The following DOCK11 variants were observed in gnomAD, a reference collection of about 807,000 sequenced individuals.
The protein encoded by DOCK11 is dedicator of cytokinesis protein 11.
DOCK11 carries 70 observed loss-of-function variants against 169.1 expected under a neutral mutation model. That is an observed-to-expected ratio of 0.41 (90% CI 0.34 to 0.51). DOCK11 has a LOEUF of 0.51. DOCK11 is among the 20% of genes least tolerant of loss of function. The pLI is 0.10. For synonymous variants in DOCK11, 529 were observed against 541.3 expected, an observed-to-expected ratio of 0.98 and a Z score of 0.32; for missense variants, 1,166 against 1,538.8, an observed-to-expected ratio of 0.76 and a Z score of 4.05.
chrX:118,582,478 A>G (rs2013680057), intron 14 of DOCK11, among the ~76,000 whole-genome samples: 1 of 111,723 alleles, frequency 9.0e-6, no homozygotes, highest in Non-Finnish European at 1.9e-5. Context: ...AGTTCTAATG[A>G]GGAATTAAGG....
chrX:118,673,995 T>G (rs2016548696), intron 46 of DOCK11, among the ~76,000 whole-genome samples: 1 of 112,116 alleles, frequency 8.9e-6, no homozygotes, highest in South Asian at 3.7e-4. Context: ...TTGGAACATT[T>G]TGGATATCAG....
chrX:118,637,511 G>A (rs2015421412), intron 36 of DOCK11, among the ~76,000 whole-genome samples: 1 of 112,013 alleles, frequency 8.9e-6, no homozygotes, highest in South Asian at 3.7e-4. Flanking sequence ...TGTAATCCCA[G>A]CACTTTGGGA....
chrX:118,619,788 A>G (rs2014923499), intron 31 of DOCK11, among the ~76,000 whole-genome samples: 2 of 108,416 alleles, frequency 1.8e-5, no homozygotes, highest in African/African-American at 6.7e-5. Flanking sequence ...TCACAGCTAC[A>G]GTTTCTATTT....
intron 1 of DOCK11, among the ~76,000 whole-genome samples, chrX:118,499,709 C>T (rs1040481630): frequency 8.9e-6 from 1 of 112,219 alleles, no homozygotes; most frequent in African/African-American, 3.2e-5. Context: ...AAGCCAGTTT[C>T]AACTTGGGCT....
At chrX:118,498,639 C>T (rs768536374) in intron 1 of DOCK11, among the ~76,000 whole-genome samples, 20 of 112,069 alleles carry the variant, frequency 1.8e-4, no homozygotes, top group Admixed American at 4.7e-4. Flanking sequence ...CACATTGGGG[C>T]TTCAATATGA....
At chrX:118,512,992 C>T (rs1198090823) in intron 1 of DOCK11, among the ~76,000 whole-genome samples, 1 of 111,755 alleles carries the variant, frequency 8.9e-6, no homozygotes, top group Non-Finnish European at 1.9e-5. Flanking sequence ...CTGCTTTCCC[C>T]CCATTCTGAT....
In DOCK11 at chrX:118,572,392, G is replaced by A. The variant is rs763962337; in HGVS notation, c.1105G>A (p.Val369Met). The change falls in exon 11 of 53, where the codon GTG becomes ATG. Residue 369 changes from valine (V) to methionine (M), a missense_variant. Coordinates refer to ENST00000276202, the MANE Select transcript of DOCK11 (RefSeq NM_144658.4). ...FEEKCNKRFL[V>M]NCHDLTFNIL... ...AGAAAAATGCAATAAACGTTTCCTG[G>A]TGAATTGCCATGATTTAACTTTCAA... 8.3e-7 allele frequency: 1 copy of A among 1,204,146 alleles called. No individual in the cohort carries two copies. Among genetic ancestry groups the A allele is most frequent in the African/African-American group, 1.8e-5 (1 of 56,968 alleles).
intron 12 of DOCK11, among the ~76,000 whole-genome samples, chrX:118,577,950 A>G (rs939400385): frequency 4.5e-5 from 5 of 111,847 alleles, no homozygotes; most frequent in African/African-American, 1.6e-4. Context: ...TTCCACATGC[A>G]TTCAAAGAAA....
chrX:118,609,921 AG>A (rs1312608702), intron 27 of DOCK11, among the ~76,000 whole-genome samples: 2 of 112,543 alleles, frequency 1.8e-5, no homozygotes, highest in Non-Finnish European at 3.7e-5. Context: ...GAATTTTCAC[AG>A]AATATGTTTA....
At chrX:118,649,804 C>T (rs1029539985) in intron 41 of DOCK11, among the ~76,000 whole-genome samples, 2 of 111,430 alleles carry the variant, frequency 1.8e-5, no homozygotes, top group African/African-American at 3.3e-5. Context: ...CATGAGCCAC[C>T]GTGCCCAGTC....
At chrX:118,602,654 C>A (rs2014377433) in intron 23 of DOCK11, among the ~76,000 whole-genome samples, 1 of 110,407 alleles carries the variant, frequency 9.1e-6, no homozygotes, top group Admixed American at 9.6e-5. Context: ...TATTCTCCTG[C>A]CTCAGCCTCC....
intron 37 of DOCK11, 79 bp from the exon 38 acceptor site, chrX:118,639,355 AT>A: frequency 2.7e-5 from 29 of 1,071,455 alleles, no homozygotes; most frequent in Admixed American, 1.1e-4. Flanking sequence ...TGGAAACCTA[AT>A]TTTTTTTAGT....
intron 31 of DOCK11, among the ~76,000 whole-genome samples, chrX:118,623,541 A>G (rs1233320348): frequency 8.8e-6 from 1 of 113,082 alleles, no homozygotes. Flanking sequence ...GGACCAGTCC[A>G]GACCTGGTAA....
In DOCK11 at chrX:118,588,529, T is replaced by G. The variant is rs778986653; in HGVS notation, c.2046+51T>G. The G allele has an allele frequency of 4.8e-4, 474 of 997,803 alleles. 1 individual carries two copies. The highest frequency in any genetic ancestry group is 6.1e-4 in the Non-Finnish European group (453 of 738,600). 82.2% of individuals were successfully genotyped at this position (997,803 alleles called of 1,213,427 possible). A position where few individuals can be genotyped will look rare whatever the true frequency, so the allele number is the denominator to read the frequency against. ...ATGTTTTTAGTAGAGATGGAGATTT[T>G]GGTACTCAGTAGTCTTATGCTCTAG... On this transcript the variant is annotated intron_variant, in intron 18 of 52. Transcript: ENST00000276202.
At chrX:118,497,135 T>G (rs995203629) in intron 1 of DOCK11, among the ~76,000 whole-genome samples, 2 of 112,665 alleles carry the variant, frequency 1.8e-5, no homozygotes, top group Non-Finnish European at 3.7e-5. Flanking sequence ...TTTTGTTTGT[T>G]TTTGTCTCCC....
In DOCK11 at chrX:118,676,744, C is replaced by T. The variant is rs762501741; in HGVS notation, c.5460+7C>T. 2 of 1,184,399 alleles carry T rather than the reference C, an allele frequency of 1.7e-6. No homozygotes were observed. Among genetic ancestry groups the T allele is most frequent in the Non-Finnish European group, 2.3e-6 (2 of 879,833 alleles). On this transcript the variant is annotated splice_region_variant and intron_variant, in intron 48 of 52. Transcript: ENST00000276202. ...AATTCAGGATTCAGACAAGGTAACA[C>T]ATACCCTACATGTTGAAATCATTAT... is the stretch of plus-strand genomic sequence containing the variant.
chrX:118,669,048 G>A (rs1446100769), intron 45 of DOCK11, among the ~76,000 whole-genome samples: 1 of 111,976 alleles, frequency 8.9e-6, no homozygotes, highest in Non-Finnish European at 1.9e-5. Flanking sequence ...TTCTGTGAGT[G>A]ATGCGGAGCC....
chrX:118,676,711 G>A lies in DOCK11; in HGVS notation c.5434G>A (p.Val1812Ile). The A allele has an allele frequency of 8.3e-7, 1 of 1,203,328 alleles. No individual in the cohort carries two copies. ...TGGTGAAAAGTTTGGTACGGAGAAT[G>A]TCAAAATAATTCAGGATTCAGACAA... Reference protein sequence around the residue: ...LYGEKFGTENVKIIQDSDKVN... With the variant: ...LYGEKFGTENIKIIQDSDKVN... The change falls in exon 48 of 53, where the codon GTC becomes ATC. Residue 1812 changes from valine (V) to isoleucine (I), a missense_variant. Val to Ile is a conservative substitution (Grantham distance 29). Transcript: ENST00000276202.
intron 40 of DOCK11, among the ~76,000 whole-genome samples, chrX:118,647,408 T>A (rs1407476530): frequency 2.1e-5 from 2 of 94,781 alleles, no homozygotes; most frequent in African/African-American, 7.7e-5. Flanking sequence ...ACCTGCTTAC[T>A]GTATTATGGC....
Sources: gnomAD v4.1 joint callset for allele counts (sites outside exome capture counted in the v4.1 genomes callset) on GRCh38, gnomAD v4.1.1 for gene constraint, MANE v1.5 for transcripts, NCBI Gene and HGNC (gene_info 2026-07-23, HGNC 2026-07-21) for gene names.